UTS2R: variants seen among roughly 807,000 people sequenced by gnomAD.
UTS2R encodes the protein urotensin 2 receptor.
For synonymous variants in UTS2R, 335 were observed against 280.9 expected, an observed-to-expected ratio of 1.19 and a Z score of -1.93; for missense variants, 653 against 562.2, an observed-to-expected ratio of 1.16 and a Z score of -1.63.
In UTS2R at chr17:82,375,052, G is replaced by A; in HGVS notation, c.728G>A (p.Arg243His). The change falls in exon 3 of 3, where the codon CGC becomes CAC. Residue 243 changes from arginine (R) to histidine (H), a missense_variant. Physicochemically the swap from Arg to His is conservative, Grantham distance 29 (BLOSUM62 0). Transcript: ENST00000313135. ...GCCCGCGCCTACCGCCGCTCGCAGC[G>A]CGCCTCCTTCAAGCGGGCCCGGCGG... is the stretch of plus-strand genomic sequence containing the variant. ...RLARAYRRSQ[R>H]ASFKRARRPG... 2 of 1,422,996 alleles carry A rather than the reference G, an allele frequency of 1.4e-6. No homozygotes were observed. Among genetic ancestry groups the A allele is most frequent in the Middle Eastern group, 2.1e-4 (1 of 4,652 alleles). The allele number at this position is 1,422,996 out of a possible 1,614,324, so 88.1% of individuals were successfully genotyped here. A position where few individuals can be genotyped will look rare whatever the true frequency, so the allele number is the denominator to read the frequency against.
In UTS2R at chr17:82,374,421, A is replaced by C. The variant is rs75396158; in HGVS notation, c.97A>C (p.Asn33His). 6.3e-7 allele frequency: 1 copy of C among 1,598,536 alleles called. No homozygotes were observed. The highest frequency in any genetic ancestry group is 1.3e-5 in the African/African-American group (1 of 74,722). Reference protein sequence around the residue: ...EPPGGPNATLNSSWASPTEPS... With the variant: ...EPPGGPNATLHSSWASPTEPS... ...GCCTGGCGGCCCCAACGCAACCCTC[A>C]ACAGCTCCTGGGCCAGCCCGACCGA... is the stretch of plus-strand genomic sequence containing the variant. The change falls in exon 3 of 3, where the codon AAC becomes CAC. Residue 33 changes from asparagine (N) to histidine (H), a missense_variant. Coordinates refer to ENST00000313135, the MANE Select transcript of UTS2R (RefSeq NM_018949.3).
chr17:82,373,833 G>A (rs981230471), intron 2 of UTS2R, among the ~76,000 whole-genome samples: 2 of 152,202 alleles, frequency 1.3e-5, no homozygotes, highest in African/African-American at 2.4e-5. Context: ...AAATAAATAC[G>A]AGAAAGGACT....
In UTS2R at chr17:82,375,559, GC is replaced by G. The variant is rs906727846; in HGVS notation, c.*72del. 8 of 632,636 alleles carry G rather than the reference GC, an allele frequency of 1.3e-5. No individual in the cohort carries two copies. The highest frequency in any genetic ancestry group is 4.7e-5 in the South Asian group (2 of 42,942). The allele number at this position is 632,636 out of a possible 1,614,324, so 39.2% of individuals were successfully genotyped here. On this transcript the variant is annotated 3_prime_UTR_variant, in exon 3 of 3. Transcript: ENST00000313135. ...CCCAAAGCCCCAGCCACTCCCGGGA[GC>G]CCCCCCAACTCCCAAATCACAGGCC...
chr17:82,374,884 C>T lies in UTS2R; in HGVS notation c.560C>T (p.Ala187Val), dbSNP rs1385079850. ...ALLLTLPVML[A>V]MRLVRRGPKS... ...CTGCTGACGCTGCCCGTGATGCTGG[C>T]CATGCGGCTGGTGCGCCGGGGTCCC... Residue 187 changes from alanine (A) to valine (V), a missense_variant, in exon 3 of 3, where the codon GCC becomes GTC. Ala to Val is a moderately conservative substitution (Grantham distance 64). Transcript: ENST00000313135. The T allele has an allele frequency of 3.1e-6, 4 of 1,274,650 alleles. No homozygotes were observed. The highest frequency in any genetic ancestry group is 5.0e-5 in the East Asian group (2 of 40,300). The allele number at this position is 1,274,650 out of a possible 1,614,324, so 79.0% of individuals were successfully genotyped here. A position where few individuals can be genotyped will look rare whatever the true frequency, so the allele number is the denominator to read the frequency against.
At position 82,373,084 on chromosome 17, in the gene UTS2R, GTTGT is replaced by G. The variant is rs566973291; in HGVS notation, c.-83+306_-83+309del. Among the ~76,000 whole-genome samples, 485 of 152,178 alleles carry G rather than the reference GTTGT, an allele frequency of 3.2e-3. 9 individuals are homozygous for G. Among genetic ancestry groups the G allele is most frequent in the Non-Finnish European group, 4.1e-3 (279 of 68,006 alleles). ...GTTTTGGTCTCTTTTTTTCAAATGG[GTTGT>G]TTGTCTTTTCCTTACTAATTTGCAG... On this transcript the variant is annotated intron_variant, in intron 2 of 2. Transcript: ENST00000313135.
intron 1 of UTS2R, among the ~76,000 whole-genome samples, 67 bp downstream of exon 1, chr17:82,372,114 G>T (rs1382838037): frequency 6.6e-6 from 1 of 152,154 alleles, no homozygotes; most frequent in Non-Finnish European, 1.5e-5. Flanking sequence ...GGGGCCCTCC[G>T]CAGGGCTGGG....
chr17:82,375,759 G>C lies in UTS2R; in HGVS notation c.*265G>C, dbSNP rs1382631285. On this transcript the variant is annotated 3_prime_UTR_variant, in exon 3 of 3. Coordinates refer to ENST00000313135, the MANE Select transcript of UTS2R (RefSeq NM_018949.3). ...CAGAGGGCAGCAGGCGCCAGTGCCC[G>C]GCCCGTGTGGAGACCATGGCGCGGC... Among the ~76,000 whole-genome samples the C allele has an allele frequency of 6.6e-6, 1 of 152,192 alleles. No homozygotes were observed. Among genetic ancestry groups the C allele is most frequent in the Non-Finnish European group, 1.5e-5 (1 of 68,032 alleles).
At position 82,377,451 on chromosome 17, in the gene UTS2R, G is replaced by A. The variant is rs944319630; in HGVS notation, c.*1957G>A. Among the ~76,000 whole-genome samples the A allele has an allele frequency of 1.8e-4, 22 of 120,684 alleles. No individual in the cohort carries two copies. The South Asian group carries it at 4.7e-3, about 26-fold the overall frequency. The allele number at this position is 120,684 out of a possible 152,430, so 79.2% of individuals were successfully genotyped here. On this transcript the variant is annotated 3_prime_UTR_variant, in exon 3 of 3. Transcript: ENST00000313135. ...ATCCCCCTCTGCGAGAAACACCCAAGAATGATCAATAAAAAAAAAAAAAAA... is the reference window on the plus strand; with the variant it reads ...ATCCCCCTCTGCGAGAAACACCCAAAAATGATCAATAAAAAAAAAAAAAAA...
rs1486295632 is a variant in UTS2R at position 82,375,229 on chromosome 17, G to T, written c.905G>T (p.Cys302Phe). Residue 302 changes from cysteine (C) to phenylalanine (F), a missense_variant, in exon 3 of 3, where the codon TGC (cysteine) becomes TTC (phenylalanine). Transcript: ENST00000313135. ...CGCATCGTCAACTACCTGACCACCT[G>T]CCTCACCTACGGCAACAGCTGCGCC... ...TARIVNYLTT[C>F]LTYGNSCANP... 6.3e-7 allele frequency: 1 copy of T among 1,581,332 alleles called. No homozygotes were observed. Among genetic ancestry groups the T allele is most frequent in the African/African-American group, 1.4e-5 (1 of 73,582 alleles).
rs1163944717 is a variant in UTS2R, at chr17:82,372,635, A to T, written c.-231A>T. Among the ~76,000 whole-genome samples the T allele has an allele frequency of 6.6e-6, 1 of 152,156 alleles. No individual in the cohort carries two copies. The highest frequency in any genetic ancestry group is 1.5e-5 in the Non-Finnish European group (1 of 68,030). ...CTGTTTCATCCAGGCTGCTGACCCC[A>T]GCGGCGACTCCTTCACTGGCTTCAT... On this transcript the variant is annotated 5_prime_UTR_variant, in exon 2 of 3. Transcript: ENST00000313135.
rs142391180 is a variant in UTS2R, at chr17:82,374,711, G to A, written c.387G>A (p.Leu129=). Residue 129 remains leucine (L), a synonymous_variant, in exon 3 of 3, where the codon CTG becomes CTA. Coordinates refer to ENST00000313135, the MANE Select transcript of UTS2R (RefSeq NM_018949.3). ...TGGGCTGCCGCGTGCTCTTCGGCCT[G>A]GACTTCCTGACCATGCACGCCAGCA... ...GDVGCRVLFG[L]DFLTMHASIF... 1,295 of 1,613,066 alleles carry A rather than the reference G, an allele frequency of 8.0e-4. 4 individuals are homozygous for A. The highest frequency in any genetic ancestry group is 1.0e-3 in the Non-Finnish European group (1,192 of 1,179,934).
chr17:82,375,216 T>A lies in UTS2R; in HGVS notation c.892T>A (p.Tyr298Asn). The A allele has an allele frequency of 6.3e-7, 1 of 1,576,186 alleles. No homozygotes were observed. The highest frequency in any genetic ancestry group is 8.6e-7 in the Non-Finnish European group (1 of 1,162,756). Residue 298 changes from tyrosine to asparagine, a missense_variant, in exon 3 of 3, where the codon TAC becomes AAC. Coordinates refer to ENST00000313135, the MANE Select transcript of UTS2R (RefSeq NM_018949.3). ...LAPRTARIVNYLTTCLTYGNS... is the reference protein window; with the variant it reads ...LAPRTARIVNNLTTCLTYGNS... The stretch of plus-strand genomic sequence containing the variant: ...GCCGCGGACGGCGCGCATCGTCAAC[T>A]ACCTGACCACCTGCCTCACCTACGG...
rs1464817348 is a variant in UTS2R, at chr17:82,375,950, C to T, written c.*456C>T. ...CGCCACATCTGAGGTGTGGGAGGAT[C>T]GGCCGGCAGGATCCCCAGGACGACA... On this transcript the variant is annotated 3_prime_UTR_variant, in exon 3 of 3. Transcript: ENST00000313135. Among the ~76,000 whole-genome samples the T allele has an allele frequency of 2.0e-5, 3 of 152,222 alleles. No homozygotes were observed. The highest frequency in any genetic ancestry group is 2.0e-4 in the Admixed American group (3 of 15,288).
chr17:82,373,412 T>TA (rs1191871173), intron 2 of UTS2R, among the ~76,000 whole-genome samples: 2 of 152,352 alleles, frequency 1.3e-5, no homozygotes, highest in South Asian at 2.1e-4. Context: ...TCCACTTGCC[T>TA]AGGCCTCCTA....
Sources: gnomAD v4.1 joint callset for allele counts (sites outside exome capture counted in the v4.1 genomes callset) on GRCh38, gnomAD v4.1.1 for gene constraint, MANE v1.5 for transcripts, NCBI Gene and HGNC (gene_info 2026-07-23, HGNC 2026-07-21) for gene names.